Variants in GALNT11 observed in about 807,000 individuals in gnomAD.
GALNT11 encodes polypeptide N-acetylgalactosaminyltransferase 11.
In GALNT11, 47 loss-of-function variants were observed where a neutral mutation model predicts 72.7. The ratio of observed to expected loss-of-function variants is 0.65; its 90% CI spans 0.51 to 0.82. The LOEUF is 0.82. Ranked by LOEUF, GALNT11 falls within the 40% of genes least tolerant of loss-of-function variation. The probability of loss-of-function intolerance (pLI) is 0.00; values close to 1 mark genes in which losing one functional copy is unlikely to be tolerated. For synonymous variants in GALNT11, 270 were observed against 286.6 expected (o/e 0.94, Z 0.58); for missense variants, 677 against 778.4 (o/e 0.87, Z 1.55).
In GALNT11 at chr7:152,025,885, G is replaced by A; in HGVS notation, c.-39+1G>A. 3.7e-6 allele frequency: 1 copy of A among 271,460 alleles called. No homozygotes were observed. The highest frequency in any genetic ancestry group is 7.9e-6 in the Non-Finnish European group (1 of 126,296). The allele number at this position is 271,460 out of a possible 1,614,324, so 16.8% of individuals were successfully genotyped here. ...GCGATCCTGGGCTGCGGGCAAGGCG[G>A]TGAGTACCCTCTAGGCGGCGGCCTC... On this transcript the variant is annotated splice_donor_variant, in intron 1 of 11. Coordinates refer to ENST00000430044, the MANE Select transcript of GALNT11 (RefSeq NM_022087.4). LOFTEE classifies it low-confidence loss of function (5UTR_SPLICE).
At position 152,121,624 on chromosome 7, in the gene GALNT11, G is replaced by A. The variant is rs550164832; in HGVS notation, c.1774G>A (p.Ala592Thr). The A allele has an allele frequency of 4.6e-5, 74 of 1,614,198 alleles. No individual in the cohort carries two copies. The highest frequency in any genetic ancestry group is 2.0e-4 in the South Asian group (18 of 91,088). Residue 592 changes from alanine (A) to threonine (T), a missense_variant, in exon 12 of 12, where the codon GCC becomes ACC. By Grantham distance (58) the Ala-to-Thr change is moderately conservative. Coordinates refer to ENST00000430044, the MANE Select transcript of GALNT11 (RefSeq NM_022087.4). ...VDPLGQKGSVAMAICDGSSSQ... is the reference protein window; with the variant it reads ...VDPLGQKGSVTMAICDGSSSQ... Reference sequence around the variant, plus strand: ...TCCCCTGGGTCAGAAGGGCTCTGTCGCCATGGCGATCTGCGATGGCTCCTC... The same window carrying A: ...TCCCCTGGGTCAGAAGGGCTCTGTCACCATGGCGATCTGCGATGGCTCCTC...
At position 152,108,073 on chromosome 7, in the gene GALNT11, G is replaced by A. The variant is rs771800891; in HGVS notation, c.748G>A (p.Val250Met). The change falls in exon 6 of 12, where the codon GTG becomes ATG. Residue 250 changes from valine to methionine, a missense_variant. Transcript: ENST00000430044. ...VLVFLDSHCE[V>M]NVMWLQPLLA... ...TGTGTTCCTGGACAGCCACTGTGAA[G>A]TGAATGTGATGTGGCTGCAGCCCTT... The A allele has an allele frequency of 1.9e-6, 3 of 1,613,210 alleles. No homozygotes were observed. The Admixed American group carries it at 5.0e-5, about 27-fold the overall frequency.
At chr7:152,089,306 T>TA (rs774619003) in intron 1 of GALNT11, among the ~76,000 whole-genome samples, 6 of 152,234 alleles carry the variant, frequency 3.9e-5, no homozygotes, top group Non-Finnish European at 8.8e-5. Flanking sequence ...AGGTTTGTTA[T>TA]ATGTAAAATG....
chr7:152,057,608 G>C (rs1289049645), intron 1 of GALNT11, among the ~76,000 whole-genome samples: 1 of 152,060 alleles, frequency 6.6e-6, no homozygotes, highest in African/African-American at 2.4e-5. Context: ...TGCCCGGCCA[G>C]AATTAGATGA....
intron 1 of GALNT11, among the ~76,000 whole-genome samples, chr7:152,082,083 C>A (rs1231222753): frequency 6.6e-6 from 1 of 151,914 alleles, no homozygotes; most frequent in Non-Finnish European, 1.5e-5. Context: ...CTATTTTTAC[C>A]ATCTGTGGTT....
At chr7:152,112,524 C>T in intron 7 of GALNT11, among the ~76,000 whole-genome samples, 1 of 148,878 alleles carries the variant, frequency 6.7e-6, no homozygotes. Flanking sequence ...GGGACAAGAG[C>T]GAGACTGTGT....
chr7:152,055,518 AGC>A, intron 1 of GALNT11, among the ~76,000 whole-genome samples: 1 of 110,454 alleles, frequency 9.1e-6, no homozygotes, highest in Admixed American at 1.0e-4. Flanking sequence ...GTATATATAA[AGC>A]GTGTGTGTGT....
intron 1 of GALNT11, among the ~76,000 whole-genome samples, chr7:152,041,065 C>T (rs966703755): frequency 9.9e-5 from 15 of 152,150 alleles, no homozygotes; most frequent in Non-Finnish European, 1.9e-4. Flanking sequence ...CAGCGTCAGT[C>T]TTGACATGGC....
At chr7:152,034,589 G>T (rs1027600951) in intron 1 of GALNT11, among the ~76,000 whole-genome samples, 2 of 152,076 alleles carry the variant, frequency 1.3e-5, no homozygotes, top group African/African-American at 4.8e-5. Context: ...AAAACCGCCC[G>T]CAGTTTTGGT....
At chr7:152,089,368 C>T (rs10281409) in intron 1 of GALNT11, among the ~76,000 whole-genome samples, 8,356 of 152,256 alleles carry the variant, frequency 0.055, 781 homozygotes, top group African/African-American at 0.19. Flanking sequence ...ATTTAATTCT[C>T]TCAGCAAGGC....
intron 2 of GALNT11, among the ~76,000 whole-genome samples, chr7:152,096,553 C>G (rs946982028): frequency 6.6e-6 from 1 of 151,910 alleles, no homozygotes; most frequent in African/African-American, 2.4e-5. Context: ...CCTATCTCTA[C>G]TAAAATACAA....
At position 152,094,284 on chromosome 7, in the gene GALNT11, C is replaced by G; in HGVS notation, c.57C>G (p.Thr19=). Residue 19 remains threonine (T), a synonymous_variant, in exon 2 of 12, where the codon ACC becomes ACG. Coordinates refer to ENST00000430044, the MANE Select transcript of GALNT11 (RefSeq NM_022087.4). The surrounding 1 kb of genome is among the most constrained non-coding windows in gnomAD (Gnocchi z 4.3). ...FCYGCLFTSA[T]WTVLLFVYFN... ...ATGGGTGCCTTTTTACATCTGCGACCTGGACAGTTTTGCTTTTTGTTTATT... is the reference window on the plus strand; with the variant it reads ...ATGGGTGCCTTTTTACATCTGCGACGTGGACAGTTTTGCTTTTTGTTTATT... 6.8e-6 allele frequency: 11 copies of G among 1,613,904 alleles called. No homozygotes were observed. The highest frequency in any genetic ancestry group is 9.3e-6 in the Non-Finnish European group (11 of 1,179,890).
At position 152,102,935 on chromosome 7, in the gene GALNT11, A is replaced by C. The variant is rs149845557; in HGVS notation, c.420-177A>C. On this transcript the variant is annotated intron_variant, in intron 3 of 11. Coordinates refer to ENST00000430044, the MANE Select transcript of GALNT11 (RefSeq NM_022087.4). ...GGCGGAGGTCACGATGAGCCGAGATAGCGCCACTGCACTCCAGCCTGGGCA... is the reference window on the plus strand; with the variant it reads ...GGCGGAGGTCACGATGAGCCGAGATCGCGCCACTGCACTCCAGCCTGGGCA... Among the ~76,000 whole-genome samples the C allele has an allele frequency of 8.0e-3, 1,183 of 148,706 alleles. 8 individuals are homozygous for C. Among genetic ancestry groups the C allele is most frequent in the Non-Finnish European group, 0.011 (759 of 67,370 alleles).
intron 1 of GALNT11, among the ~76,000 whole-genome samples, chr7:152,034,201 TATC>T (rs1358149939): frequency 1.3e-5 from 2 of 152,158 alleles, no homozygotes; most frequent in Non-Finnish European, 2.9e-5. Context: ...AGAGGAGGCT[TATC>T]ATTAATAGGA....
chr7:152,056,397 C>T (rs75386059), intron 1 of GALNT11, among the ~76,000 whole-genome samples: 3 of 152,270 alleles, frequency 2.0e-5, no homozygotes, highest in Non-Finnish European at 4.4e-5. Flanking sequence ...CGGGTTGCCA[C>T]GTTTTCCCAG....
chr7:152,110,438 G>A, intron 6 of GALNT11, 90 bp from the exon 7 acceptor site: 1 of 882,870 alleles, frequency 1.1e-6, no homozygotes, highest in Non-Finnish European at 1.8e-6. Context: ...TATTAGTTAT[G>A]TTCCAAAATG....
chr7:152,070,908 G>A (rs927971699), intron 1 of GALNT11, among the ~76,000 whole-genome samples: 3 of 152,076 alleles, frequency 2.0e-5, no homozygotes, highest in South Asian at 2.1e-4. Flanking sequence ...ATCACATGCC[G>A]GTAGGTTCCG....
chr7:152,079,437 T>G (rs2085186018), intron 1 of GALNT11: 1 of 152,266 alleles, frequency 6.6e-6, no homozygotes. Context: ...GTCCTTTTAG[T>G]TTCTTTTCTA....
chr7:152,045,929 G>A (rs2083097505), intron 1 of GALNT11, among the ~76,000 whole-genome samples: 1 of 151,844 alleles, frequency 6.6e-6, no homozygotes, highest in Non-Finnish European at 1.5e-5. Flanking sequence ...GGTGCTTATT[G>A]CTATAAACTT....
Sources: gnomAD v4.1 joint callset for allele counts (sites outside exome capture counted in the v4.1 genomes callset) on GRCh38, gnomAD v4.1.1 for gene constraint, Gnocchi (gnomAD v3.1) non-coding constraint, MANE v1.5 for transcripts, NCBI Gene and HGNC (gene_info 2026-07-23, HGNC 2026-07-21) for gene names.